Variants in GPC6 observed in about 807,000 individuals in gnomAD.
GPC6 encodes the protein glypican-6.
A neutral mutation model predicts 55.2 loss-of-function variants in GPC6; 14 were observed. The observed-to-expected ratio is 0.25, with a 90% CI of 0.17 to 0.40. GPC6 has a LOEUF of 0.40. GPC6 is among the 10% of genes least tolerant of loss of function. The probability of loss-of-function intolerance (pLI) is 1.00; values close to 1 mark genes in which losing one functional copy is unlikely to be tolerated. For missense variants in GPC6, 641 were observed against 708.5 expected (o/e 0.90, Z 1.08); for synonymous variants, 278 against 259.6 (o/e 1.07, Z -0.68).
At chr13:94,351,979 A>T (rs1359125) in intron 6 of GPC6, among the ~76,000 whole-genome samples, 1 of 142,932 alleles carries the variant, frequency 7.0e-6, no homozygotes, top group Non-Finnish European at 1.5e-5. Flanking sequence ...AAAAAAAAAA[A>T]AAAGAAAAAG....
intron 3 of GPC6, among the ~76,000 whole-genome samples, chr13:93,945,502 A>G (rs1878964010): frequency 6.6e-6 from 1 of 152,216 alleles, no homozygotes; most frequent in Non-Finnish European, 1.5e-5. Context: ...AGGCAGGCTA[A>G]CTAGAAGCAG....
intron 2 of GPC6, among the ~76,000 whole-genome samples, chr13:93,553,483 G>C (rs993698815): frequency 1.3e-5 from 2 of 151,796 alleles, no homozygotes; most frequent in African/African-American, 4.8e-5. Flanking sequence ...AGAAGGCCAG[G>C]AGTTCAAGAC....
chr13:93,267,342 C>A (rs1179564408), intron 1 of GPC6, among the ~76,000 whole-genome samples: 1 of 151,792 alleles, frequency 6.6e-6, no homozygotes, highest in East Asian at 1.9e-4. Context: ...AGCATTGGAG[C>A]TGCTACCTTG....
chr13:93,802,993 A>G (rs912880490), intron 2 of GPC6, among the ~76,000 whole-genome samples: 32 of 152,286 alleles, frequency 2.1e-4, no homozygotes, highest in Non-Finnish European at 1.9e-4. Context: ...CTGTGAAACA[A>G]AGGCTCCAGA....
At chr13:93,944,864 T>G (rs1457902244) in intron 3 of GPC6, among the ~76,000 whole-genome samples, 1 of 142,802 alleles carries the variant, frequency 7.0e-6, no homozygotes, top group Non-Finnish European at 1.6e-5. Flanking sequence ...CTCCTCAAAG[T>G]TATCATCGAT....
At chr13:93,253,345 C>G (rs185023639) in intron 1 of GPC6, among the ~76,000 whole-genome samples, 5 of 152,286 alleles carry the variant, frequency 3.3e-5, no homozygotes, top group African/African-American at 9.6e-5. Flanking sequence ...TACATAGAAA[C>G]CACTTGTAAT....
At chr13:94,071,713 A>G (rs761252908) in intron 4 of GPC6, among the ~76,000 whole-genome samples, 12 of 152,192 alleles carry the variant, frequency 7.9e-5, no homozygotes, top group Non-Finnish European at 1.5e-4. Flanking sequence ...AAAAGCAGCA[A>G]TACTTACAGA....
At chr13:93,515,489 G>A (rs1251471140) in intron 1 of GPC6, among the ~76,000 whole-genome samples, 1 of 152,068 alleles carries the variant, frequency 6.6e-6, no homozygotes, top group Non-Finnish European at 1.5e-5. Context: ...ATTGGAGCTT[G>A]GATTTTGCCT....
intron 2 of GPC6, among the ~76,000 whole-genome samples, chr13:93,729,248 T>C (rs1262006521): frequency 6.6e-6 from 1 of 152,160 alleles, no homozygotes; most frequent in Admixed American, 6.6e-5. Context: ...GACATTGAGA[T>C]TCTAAAAGAG....
At chr13:94,148,961 TAC>T (rs1013887587) in intron 4 of GPC6, among the ~76,000 whole-genome samples, 1 of 151,828 alleles carries the variant, frequency 6.6e-6, no homozygotes, top group Non-Finnish European at 1.5e-5. Context: ...CTAACACACA[TAC>T]ACACACACAA....
intron 3 of GPC6, among the ~76,000 whole-genome samples, chr13:93,839,142 T>C (rs1389134082): frequency 6.6e-6 from 1 of 152,036 alleles, no homozygotes; most frequent in African/African-American, 2.4e-5. Context: ...GATGTGGCCA[T>C]TAGGATGTTA....
chr13:94,117,395 A>G (rs1886471482), intron 4 of GPC6, among the ~76,000 whole-genome samples: 1 of 152,158 alleles, frequency 6.6e-6, no homozygotes, highest in African/African-American at 2.4e-5. Flanking sequence ...GGTAGATGTT[A>G]TAACCAACTT....
At chr13:93,315,547 T>A (rs189406618) in intron 1 of GPC6, among the ~76,000 whole-genome samples, 1 of 151,984 alleles carries the variant, frequency 6.6e-6, no homozygotes. Context: ...ATTAACTATT[T>A]TTTTGACTTT....
At chr13:94,345,449 G>T (rs942351018) in intron 6 of GPC6, among the ~76,000 whole-genome samples, 1 of 152,138 alleles carries the variant, frequency 6.6e-6, no homozygotes, top group South Asian at 2.1e-4. Flanking sequence ...TTACCAAATC[G>T]TTACTAGTGC....
intron 2 of GPC6, among the ~76,000 whole-genome samples, chr13:93,583,904 A>C (rs1322241987): frequency 2.0e-5 from 3 of 152,098 alleles, no homozygotes; most frequent in Non-Finnish European, 4.4e-5. Flanking sequence ...TCCCTCAACC[A>C]CTGGAAAGAG....
At chr13:93,651,982 G>T (rs1330623710) in intron 2 of GPC6, among the ~76,000 whole-genome samples, 1 of 152,230 alleles carries the variant, frequency 6.6e-6, no homozygotes, top group South Asian at 2.1e-4. Context: ...TGGGCTAAAT[G>T]ATAAATTTAA....
At chr13:93,706,819 G>GCTTACAGT (rs1172942595) in intron 2 of GPC6, among the ~76,000 whole-genome samples, 1 of 151,890 alleles carries the variant, frequency 6.6e-6, no homozygotes, top group African/African-American at 2.4e-5. Flanking sequence ...CTCTTGAGGA[G>GCTTACAGT]CTTACAGTCT....
chr13:94,186,111 A>G (rs941628010), intron 4 of GPC6, among the ~76,000 whole-genome samples: 6 of 149,482 alleles, frequency 4.0e-5, no homozygotes, highest in Non-Finnish European at 8.9e-5. Flanking sequence ...ATTTTAAGAT[A>G]TATGTTCACA....
chr13:93,591,493 ATC>A (rs1365418089), intron 2 of GPC6, among the ~76,000 whole-genome samples: 1 of 150,904 alleles, frequency 6.6e-6, no homozygotes, highest in East Asian at 1.9e-4. Context: ...AAAGGAAATC[ATC>A]TTGTTTCGTA....
Sources: gnomAD v4.1 joint callset for allele counts (sites outside exome capture counted in the v4.1 genomes callset) on GRCh38, gnomAD v4.1.1 for gene constraint, MANE v1.5 for transcripts, NCBI Gene and HGNC (gene_info 2026-07-23, HGNC 2026-07-21) for gene names.